The following PCDHGB3 variants were observed in gnomAD, a reference collection of about 807,000 sequenced individuals.
PCDHGB3 encodes the protein protocadherin gamma-B3.
A neutral mutation model predicts 59.2 loss-of-function variants in PCDHGB3; 40 were observed. The ratio of observed to expected loss-of-function variants is 0.68; its 90% CI spans 0.52 to 0.88. PCDHGB3 has a LOEUF of 0.88. PCDHGB3 is among the 40% of genes least tolerant of loss of function. The probability of loss-of-function intolerance (pLI) is 0.00; values close to 1 mark genes in which losing one functional copy is unlikely to be tolerated. For missense variants in PCDHGB3, 1,309 were observed against 1,187.9 expected (o/e 1.10, Z -1.50); for synonymous variants, 581 against 503.6 (o/e 1.15, Z -2.06).
chr5:141,386,797 T>C (rs771279831), intron 1 of PCDHGB3, among the ~76,000 whole-genome samples: 1 of 152,124 alleles, frequency 6.6e-6, no homozygotes, highest in Non-Finnish European at 1.5e-5. Context: ...TGACCAAAAT[T>C]TATTAGATGC....
At chr5:141,446,621 C>T (rs1284919173) in intron 1 of PCDHGB3, among the ~76,000 whole-genome samples, 2 of 152,094 alleles carry the variant, frequency 1.3e-5, no homozygotes, top group Non-Finnish European at 2.9e-5. Flanking sequence ...GGACTACAGG[C>T]GTGCACCACC....
rs566635689 is a variant in PCDHGB3, at chr5:141,469,738, C to G, written c.2416-25069C>G. ...AGGAATTTATCATAAATACACACCT[C>G]AAAAATTACAAAAATACATATATAC... is the stretch of plus-strand genomic sequence containing the variant. On this transcript the variant is annotated intron_variant, in intron 1 of 3. Transcript: ENST00000576222. 6.7e-4 allele frequency among the ~76,000 whole-genome samples: 102 copies of G among 152,292 alleles called. 2 individuals are homozygous for G. Among genetic ancestry groups the G allele is most frequent in the African/African-American group, 2.4e-3 (99 of 41,552 alleles).
intron 1 of PCDHGB3, chr5:141,399,627 C>T (rs751717107): frequency 1.2e-6 from 2 of 1,613,906 alleles, no homozygotes; most frequent in Non-Finnish European, 1.7e-6. Context: ...TGGCCTCTTA[C>T]GTGTCCATGA....
At position 141,489,545 on chromosome 5, in the gene PCDHGB3, G is replaced by A. The variant is rs1396651116; in HGVS notation, c.2416-5262G>A. On this transcript the variant is annotated intron_variant, in intron 1 of 3. Transcript: ENST00000576222. The surrounding 1 kb of genome is among the most constrained non-coding windows in gnomAD (Gnocchi z 4.5). ...AGCCTATGTGGAGCCAGCACCAGCT[G>A]CCTGCTGCCAGTGCAGGTGGTGACT... 3 of 1,613,984 alleles carry A rather than the reference G, an allele frequency of 1.9e-6. No individual in the cohort carries two copies. The highest frequency in any genetic ancestry group is 2.5e-6 in the Non-Finnish European group (3 of 1,180,022).
chr5:141,431,670 T>C lies in PCDHGB3; in HGVS notation c.2415+58861T>C, dbSNP rs767342240. 1 of 1,614,070 alleles carries C rather than the reference T, an allele frequency of 6.2e-7. No homozygotes were observed. The highest frequency in any genetic ancestry group is 8.5e-7 in the Non-Finnish European group (1 of 1,180,026). On this transcript the variant is annotated intron_variant, in intron 1 of 3. Coordinates refer to ENST00000576222, the MANE Select transcript of PCDHGB3 (RefSeq NM_018924.5). This position sits in a 1 kb window ranked among gnomAD's most constrained non-coding sequence, Gnocchi z 4.8. ...TGTAATTCAGGGACAATATCAACAATAGGGGAGTTGGACCACGAGGAGTCA... is the reference window on the plus strand; with the variant it reads ...TGTAATTCAGGGACAATATCAACAACAGGGGAGTTGGACCACGAGGAGTCA...
intron 1 of PCDHGB3, chr5:141,421,236 TCGGCTACAG>T (rs761399164): frequency 3.8e-5 from 60 of 1,594,916 alleles, no homozygotes; most frequent in Non-Finnish European, 5.1e-5. Flanking sequence ...CCATGGCGAA[TCGGCTACAG>T]CGCGGGGACC....
At chr5:141,475,828 C>T (rs1319658902) in intron 1 of PCDHGB3, 1 of 387,614 alleles carries the variant, frequency 2.6e-6, no homozygotes, top group Admixed American at 4.3e-5. Context: ...GGCGCTAGCG[C>T]GTGTCCTGCT....
chr5:141,393,620 G>T (rs1335715353), intron 1 of PCDHGB3: 1 of 1,613,908 alleles, frequency 6.2e-7, no homozygotes, highest in Non-Finnish European at 8.5e-7. Flanking sequence ...CCAGCGACCC[G>T]GATGAGGGAA....
intron 1 of PCDHGB3, chr5:141,400,251 C>T (rs2093990443): frequency 6.2e-7 from 1 of 1,614,014 alleles, no homozygotes; most frequent in Non-Finnish European, 8.5e-7. Flanking sequence ...TGGCCGTTGC[C>T]TTGCGCCTGC....
Position 141,477,657 on chromosome 5 carries a change from G to C in PCDHGB3, c.2416-17150G>C. 4 of 1,614,190 alleles carry C rather than the reference G, an allele frequency of 2.5e-6. No individual in the cohort carries two copies. Among genetic ancestry groups the C allele is most frequent in the Non-Finnish European group, 3.4e-6 (4 of 1,180,038 alleles). The stretch of plus-strand genomic sequence containing the variant: ...GTGGGTCGCTATTTCACAATAAATC[G>C]TGACAATGGCATAGTGTCATCCTTA... On this transcript the variant is annotated intron_variant, in intron 1 of 3. Coordinates refer to ENST00000576222, the MANE Select transcript of PCDHGB3 (RefSeq NM_018924.5). The surrounding 1 kb of genome is among the most constrained non-coding windows in gnomAD (Gnocchi z 4.9).
Position 141,489,752 on chromosome 5 carries a change from C to G in PCDHGB3, c.2416-5055C>G. ...GGCACCAATACTGTGAGCTTTTACA[C>G]TCTAAGCCCCAACAGCCACTTCTCT... On this transcript the variant is annotated intron_variant, in intron 1 of 3. Coordinates refer to ENST00000576222, the MANE Select transcript of PCDHGB3 (RefSeq NM_018924.5). This position sits in a 1 kb window ranked among gnomAD's most constrained non-coding sequence, Gnocchi z 4.5. The G allele has an allele frequency of 6.2e-7, 1 of 1,614,136 alleles. No individual in the cohort carries two copies. The highest frequency in any genetic ancestry group is 8.5e-7 in the Non-Finnish European group (1 of 1,179,972).
In PCDHGB3 at chr5:141,486,890, G is replaced by T; in HGVS notation, c.2416-7917G>T. On this transcript the variant is annotated intron_variant, in intron 1 of 3. Coordinates refer to ENST00000576222, the MANE Select transcript of PCDHGB3 (RefSeq NM_018924.5). The surrounding 1 kb of genome is among the most constrained non-coding windows in gnomAD (Gnocchi z 5.0). ...TGTGCTCCGTCCTCGGGCCCGGCCT[G>T]GTTCCTTATGTCCCCAAGCACTGCC... 6.2e-7 allele frequency: 1 copy of T among 1,614,242 alleles called. No individual in the cohort carries two copies. The highest frequency in any genetic ancestry group is 8.5e-7 in the Non-Finnish European group (1 of 1,180,048).
At position 141,447,140 on chromosome 5, in the gene PCDHGB3, T is replaced by C. The variant is rs770212881; in HGVS notation, c.2416-47667T>C. ...ATGGATTTTTTTGTTTGTTTGTTTT[T>C]TGTTTTTGTTTTTGTTTAAGCGGGG... On this transcript the variant is annotated intron_variant, in intron 1 of 3. Coordinates refer to ENST00000576222, the MANE Select transcript of PCDHGB3 (RefSeq NM_018924.5). Among the ~76,000 whole-genome samples the C allele has an allele frequency of 6.6e-5, 10 of 152,158 alleles. 1 individual carries two copies. Among genetic ancestry groups the C allele is most frequent in the Non-Finnish European group, 1.2e-4 (8 of 68,042 alleles).
intron 1 of PCDHGB3, chr5:141,389,363 C>T (rs776814041): frequency 1.2e-6 from 2 of 1,613,868 alleles, no homozygotes; most frequent in South Asian, 2.2e-5. Flanking sequence ...TGGCCAGTGA[C>T]CTGGAGCAGC....
chr5:141,476,619 CTT>C lies in PCDHGB3; in HGVS notation c.2416-18186_2416-18185del. Reference sequence around the variant, plus strand: ...CACGATCCCGATGTGGGAAGCAACTCTTTACAAACCTATGAGCTGAGCCGAAA... The same window carrying C: ...CACGATCCCGATGTGGGAAGCAACTCTACAAACCTATGAGCTGAGCCGAAA... On this transcript the variant is annotated intron_variant, in intron 1 of 3. Transcript: ENST00000576222. This position sits in a 1 kb window ranked among gnomAD's most constrained non-coding sequence, Gnocchi z 7.6. The C allele has an allele frequency of 1.2e-6, 2 of 1,614,258 alleles. No homozygotes were observed. The highest frequency in any genetic ancestry group is 1.7e-6 in the Non-Finnish European group (2 of 1,180,052).
intron 1 of PCDHGB3, chr5:141,422,160 A>C: frequency 6.4e-7 from 1 of 1,573,304 alleles, no homozygotes; most frequent in South Asian, 1.2e-5. Context: ...TGGATTTTGA[A>C]AAATATAGAT....
intron 1 of PCDHGB3, among the ~76,000 whole-genome samples, chr5:141,452,988 T>C (rs2098753680): frequency 6.6e-6 from 1 of 152,228 alleles, no homozygotes; most frequent in Admixed American, 6.5e-5. Context: ...AGTACTGTGC[T>C]GAAAAGTTAC....
intron 1 of PCDHGB3, among the ~76,000 whole-genome samples, chr5:141,435,264 T>C (rs1442193276): frequency 5.3e-5 from 8 of 152,222 alleles, no homozygotes; most frequent in Non-Finnish European, 8.8e-5. Context: ...GATATGTCCA[T>C]TTATACTTTC....
At chr5:141,438,996 A>G (rs2098080427) in intron 1 of PCDHGB3, among the ~76,000 whole-genome samples, 1 of 151,634 alleles carries the variant, frequency 6.6e-6, no homozygotes, top group African/African-American at 2.4e-5. Flanking sequence ...AAGGCTAAGG[A>G]CCTGGTTTGT....
Sources: gnomAD v4.1 joint callset for allele counts (sites outside exome capture counted in the v4.1 genomes callset) on GRCh38, gnomAD v4.1.1 for gene constraint, Gnocchi (gnomAD v3.1) non-coding constraint, MANE v1.5 for transcripts, NCBI Gene and HGNC (gene_info 2026-07-23, HGNC 2026-07-21) for gene names.